Variants in SIMC1 observed in about 807,000 individuals in gnomAD.
SIMC1 encodes the protein SUMO interacting motifs containing 1, also known as SUMO-interacting motif-containing protein 1.
Under a neutral mutation model 82.3 loss-of-function variants are expected in SIMC1, and 55 were observed. The observed-to-expected ratio is 0.67, with a 90% CI of 0.54 to 0.84. SIMC1 has a LOEUF of 0.84. SIMC1 is among the 40% of genes least tolerant of loss of function. The pLI, the probability that SIMC1 is intolerant of heterozygous loss-of-function variation, is 0.00. For synonymous variants in SIMC1, 353 were observed against 426.3 expected (o/e 0.83, Z 2.12); for missense variants, 915 against 1,107.2 (o/e 0.83, Z 2.46).
chr5:176,262,279 T>TAAA (rs58312244), intron 1 of SIMC1, among the ~76,000 whole-genome samples: 1 of 133,910 alleles, frequency 7.5e-6, no homozygotes, highest in Non-Finnish European at 1.6e-5. Context: ...ATTCATGATT[T>TAAA]AAAAAAAAAA....
chr5:176,297,362 T>A (rs1190372409), intron 4 of SIMC1, among the ~76,000 whole-genome samples: 1 of 151,716 alleles, frequency 6.6e-6, no homozygotes, highest in African/African-American at 2.4e-5. Flanking sequence ...TTTAGCTGGG[T>A]GTGGTGGCAC....
chr5:176,253,104 G>A (rs1484039029), intron 1 of SIMC1, among the ~76,000 whole-genome samples: 12 of 152,176 alleles, frequency 7.9e-5, no homozygotes, highest in Non-Finnish European at 1.6e-4. Context: ...GTCCAGCTTC[G>A]GCTCGGCATC....
intron 4 of SIMC1, among the ~76,000 whole-genome samples, chr5:176,302,058 A>G (rs1189659495): frequency 6.6e-6 from 1 of 152,198 alleles, no homozygotes; most frequent in African/African-American, 2.4e-5. Flanking sequence ...TACCTAATAC[A>G]ATGTAAATTA....
intron 1 of SIMC1, among the ~76,000 whole-genome samples, chr5:176,256,291 A>T (rs895413907): frequency 2.0e-5 from 3 of 152,166 alleles, no homozygotes; most frequent in South Asian, 2.1e-4. Flanking sequence ...TTTAGTTTTC[A>T]TATCAATGTG....
intron 4 of SIMC1, among the ~76,000 whole-genome samples, chr5:176,302,176 A>T (rs867914661): frequency 6.6e-6 from 1 of 152,150 alleles, no homozygotes; most frequent in Admixed American, 6.5e-5. Flanking sequence ...TTCAAATCTC[A>T]GTTGGTTGAA....
intron 5 of SIMC1, among the ~76,000 whole-genome samples, chr5:176,321,012 C>T (rs1307779364): frequency 1.3e-5 from 2 of 152,194 alleles, no homozygotes; most frequent in African/African-American, 4.8e-5. Flanking sequence ...CCTCATCCAT[C>T]AGCCTGAGCA....
chr5:176,256,391 C>A (rs1761853184), intron 1 of SIMC1, among the ~76,000 whole-genome samples: 1 of 152,118 alleles, frequency 6.6e-6, no homozygotes, highest in South Asian at 2.1e-4. Context: ...CCAACTTGGT[C>A]ACCACAAATT....
intron 5 of SIMC1, among the ~76,000 whole-genome samples, chr5:176,318,603 T>C (rs553009471): frequency 6.6e-6 from 1 of 152,186 alleles, no homozygotes; most frequent in Non-Finnish European, 1.5e-5. Context: ...GGCTCATACC[T>C]TCATTTAAGG....
intron 1 of SIMC1, among the ~76,000 whole-genome samples, chr5:176,270,806 C>G (rs1762392359): frequency 6.6e-6 from 1 of 152,216 alleles, no homozygotes. Context: ...GGCAAATCGT[C>G]CATCCTAGCA....
chr5:176,274,384 C>G (rs1228641299), intron 1 of SIMC1, among the ~76,000 whole-genome samples: 1 of 151,240 alleles, frequency 6.6e-6, no homozygotes, highest in Admixed American at 6.6e-5. Flanking sequence ...TGCTTGAGTT[C>G]ATTGTAGATT....
intron 4 of SIMC1, 42 bp downstream of exon 4, chr5:176,296,362 T>A (rs1317713391): frequency 6.2e-7 from 1 of 1,612,792 alleles, no homozygotes; most frequent in South Asian, 1.1e-5. Context: ...AGGGGAAGTT[T>A]TAACTATAAA....
chr5:176,282,237 G>C (rs1334948203), intron 1 of SIMC1, among the ~76,000 whole-genome samples: 4 of 152,264 alleles, frequency 2.6e-5, no homozygotes, highest in Non-Finnish European at 2.9e-5. Context: ...CTCCAAGCCA[G>C]GTGCAGGATA....
intron 1 of SIMC1, among the ~76,000 whole-genome samples, chr5:176,280,662 C>T (rs1226117627): frequency 6.6e-6 from 1 of 152,196 alleles, no homozygotes; most frequent in South Asian, 2.1e-4. Context: ...ATTTGCTTCT[C>T]TGTAAAGGAT....
At chr5:176,271,709 A>G (rs1463450240) in intron 1 of SIMC1, among the ~76,000 whole-genome samples, 1 of 151,658 alleles carries the variant, frequency 6.6e-6, no homozygotes, top group Admixed American at 6.6e-5. Flanking sequence ...ACATTTCAAA[A>G]TGACTGAGGG....
chr5:176,324,934 T>G (rs1765313685), intron 7 of SIMC1, among the ~76,000 whole-genome samples, 177 bp downstream of exon 7: 1 of 152,256 alleles, frequency 6.6e-6, no homozygotes. Flanking sequence ...GGATTATTCT[T>G]ATGTCTTTGA....
At chr5:176,328,699 G>A (rs996132643) in intron 7 of SIMC1, among the ~76,000 whole-genome samples, 38 of 152,096 alleles carry the variant, frequency 2.5e-4, no homozygotes, top group African/African-American at 8.7e-4. Flanking sequence ...AATACAAACA[G>A]AAACAAGTTA....
At chr5:176,245,556 G>C (rs567787630) in intron 1 of SIMC1, among the ~76,000 whole-genome samples, 2 of 152,006 alleles carry the variant, frequency 1.3e-5, no homozygotes, top group East Asian at 3.9e-4. Flanking sequence ...TTTCGATTTT[G>C]TTTTTTTAAT....
chr5:176,305,889 C>T (rs1473947789), intron 4 of SIMC1, among the ~76,000 whole-genome samples: 2 of 84,318 alleles, frequency 2.4e-5, no homozygotes, highest in Non-Finnish European at 4.9e-5. Context: ...CCAGCCGCCC[C>T]GTCCGGGAGG....
intron 7 of SIMC1, 108 bp from the exon 8 acceptor site, chr5:176,336,612 T>C: frequency 6.9e-7 from 1 of 1,457,228 alleles, no homozygotes; most frequent in East Asian, 2.3e-5. Context: ...GTATTCCTTC[T>C]TAACTGTCTT....
Sources: gnomAD v4.1 joint callset for allele counts (sites outside exome capture counted in the v4.1 genomes callset) on GRCh38, gnomAD v4.1.1 for gene constraint, MANE v1.5 for transcripts, NCBI Gene and HGNC (gene_info 2026-07-23, HGNC 2026-07-21) for gene names.